Variants in KLHL29 observed in about 807,000 individuals in gnomAD.
KLHL29 encodes kelch like family member 29, also known as kelch-like protein 29.
A neutral mutation model predicts 80.4 loss-of-function variants in KLHL29; 21 were observed. The ratio of observed to expected loss-of-function variants is 0.26; its 90% confidence interval spans 0.19 to 0.38. The LOEUF is 0.38. Ranked by LOEUF, KLHL29 falls within the 10% of genes least tolerant of loss-of-function variation. KLHL29 has a pLI of 1.00. For missense variants in KLHL29, 867 were observed against 1,223.9 expected, an observed-to-expected ratio of 0.71 and a Z score of 4.35; for synonymous variants, 511 against 526.8, an observed-to-expected ratio of 0.97 and a Z score of 0.41.
intron 5 of KLHL29, chr2:23,643,235 T>C (rs916143051): frequency 2.6e-6 from 1 of 391,510 alleles, no homozygotes; most frequent in Non-Finnish European, 4.9e-6. Flanking sequence ...AACAGTCCCT[T>C]TGGGGGCCTT....
chr2:23,698,406 G>A (rs1672124212), intron 11 of KLHL29, among the ~76,000 whole-genome samples: 1 of 152,164 alleles, frequency 6.6e-6, no homozygotes, highest in South Asian at 2.1e-4. Context: ...ACCCCCTTCG[G>A]GTAGGTTGCT....
chr2:23,491,829 C>G (rs1316021322), intron 2 of KLHL29, among the ~76,000 whole-genome samples: 3 of 152,144 alleles, frequency 2.0e-5, no homozygotes, highest in Admixed American at 6.5e-5. Context: ...CTCCCATGTC[C>G]CCCACCTCTG....
At chr2:23,426,208 T>A (rs755525240) in intron 1 of KLHL29, among the ~76,000 whole-genome samples, 1 of 152,174 alleles carries the variant, frequency 6.6e-6, no homozygotes, top group Non-Finnish European at 1.5e-5. Flanking sequence ...GAAACCATTC[T>A]ACTGTACTCA....
In KLHL29 at chr2:23,620,434, A is replaced by G. The variant is rs563105828; in HGVS notation, c.286-18705A>G. ...GAGAAGGCAGAGGTGAGGGTCAGGG[A>G]GGCCAGGGCTGCTAGAGGAAATATT... On this transcript the variant is annotated intron_variant, in intron 3 of 13. Transcript: ENST00000486442. Among the ~76,000 whole-genome samples the G allele has an allele frequency of 4.6e-5, 7 of 152,294 alleles. No individual in the cohort carries two copies. The East Asian group carries it at 1.4e-3, about 29-fold the overall frequency.
chr2:23,478,627 C>T (rs1664700035), intron 2 of KLHL29, among the ~76,000 whole-genome samples: 1 of 152,144 alleles, frequency 6.6e-6, no homozygotes, highest in African/African-American at 2.4e-5. Context: ...TCAGTTTGCG[C>T]AGAGCCCAAG....
intron 1 of KLHL29, among the ~76,000 whole-genome samples, chr2:23,387,906 C>T (rs777452982): frequency 6.6e-6 from 1 of 152,096 alleles, no homozygotes; most frequent in African/African-American, 2.4e-5. Context: ...AATAACTTTT[C>T]TGCACAAACA....
intron 5 of KLHL29, among the ~76,000 whole-genome samples, chr2:23,659,589 C>A (rs1225918109): frequency 2.0e-5 from 3 of 152,200 alleles, no homozygotes; most frequent in Non-Finnish European, 4.4e-5. Flanking sequence ...CTGGCTTCGG[C>A]TCAGTTCAGC....
At chr2:23,404,565 C>T (rs1666679014) in intron 1 of KLHL29, among the ~76,000 whole-genome samples, 1 of 152,238 alleles carries the variant, frequency 6.6e-6, no homozygotes, top group African/African-American at 2.4e-5. Flanking sequence ...GTCACGCCCA[C>T]AAGAGGGCAT....
chr2:23,467,351 T>A (rs1352141148), intron 1 of KLHL29, among the ~76,000 whole-genome samples: 1 of 152,256 alleles, frequency 6.6e-6, no homozygotes, highest in Non-Finnish European at 1.5e-5. Flanking sequence ...TCCTAGGCTC[T>A]TTCCATATTG....
intron 1 of KLHL29, among the ~76,000 whole-genome samples, chr2:23,388,065 G>T (rs1172860540): frequency 6.6e-6 from 1 of 152,108 alleles, no homozygotes; most frequent in Non-Finnish European, 1.5e-5. Flanking sequence ...AATATCCTAT[G>T]GTAGCCATGG....
rs147692543 is a variant in KLHL29 at position 23,643,122 on chromosome 2, G to A, written c.940+272G>A. The A allele has an allele frequency of 5.8e-4, 346 of 598,850 alleles. 1 individual carries two copies. The highest frequency in any genetic ancestry group is 1.8e-3 in the Middle Eastern group (7 of 3,838). 37.1% of individuals were successfully genotyped at this position (598,850 alleles called of 1,614,324 possible). On this transcript the variant is annotated intron_variant, in intron 5 of 13. Transcript: ENST00000486442. Reference sequence around the variant, plus strand: ...GGAGAGCCTGCAAAGCCCAGAGCCCGTCCCCCTCCAGCCCAAGCCCTGGCC... The same window carrying A: ...GGAGAGCCTGCAAAGCCCAGAGCCCATCCCCCTCCAGCCCAAGCCCTGGCC...
intron 3 of KLHL29, among the ~76,000 whole-genome samples, chr2:23,570,223 T>C (rs1343148663): frequency 6.6e-6 from 1 of 152,146 alleles, no homozygotes; most frequent in Non-Finnish European, 1.5e-5. Flanking sequence ...GCCTTTCCTA[T>C]TGATGGCAGC....
At chr2:23,600,198 G>A (rs1346555420) in intron 3 of KLHL29, among the ~76,000 whole-genome samples, 2 of 152,204 alleles carry the variant, frequency 1.3e-5, no homozygotes, top group East Asian at 3.9e-4. Flanking sequence ...TTCATAAAAG[G>A]TTGCAGTGAC....
intron 3 of KLHL29, among the ~76,000 whole-genome samples, chr2:23,637,039 C>A (rs369665830): frequency 2.5e-4 from 38 of 152,220 alleles, no homozygotes; most frequent in African/African-American, 7.0e-4. Flanking sequence ...CCTCTAGGAT[C>A]CCACACGGTG....
At position 23,601,452 on chromosome 2, in the gene KLHL29, G is replaced by C. The variant is rs187113172; in HGVS notation, c.286-37687G>C. 5.0e-3 allele frequency among the ~76,000 whole-genome samples: 758 copies of C among 152,266 alleles called. 5 individuals carry two copies. The highest frequency in any genetic ancestry group is 0.017 in the African/African-American group (695 of 41,560). Reference sequence around the variant, plus strand: ...CATAAGGGAGTAAAATTCTGCCCTGGAATGTGCATGTGTATTCAAGCCTCC... The same window carrying C: ...CATAAGGGAGTAAAATTCTGCCCTGCAATGTGCATGTGTATTCAAGCCTCC... On this transcript the variant is annotated intron_variant, in intron 3 of 13. Coordinates refer to ENST00000486442, the MANE Select transcript of KLHL29 (RefSeq NM_052920.2).
At chr2:23,417,357 G>A (rs1318672519) in intron 1 of KLHL29, among the ~76,000 whole-genome samples, 2 of 152,206 alleles carry the variant, frequency 1.3e-5, no homozygotes, top group African/African-American at 4.8e-5. Flanking sequence ...GCCATCATGT[G>A]TGGCTGCATG....
rs189165479 is a variant in KLHL29, at chr2:23,414,500, G to A, written c.-154+28720G>A. On this transcript the variant is annotated intron_variant, in intron 1 of 13. Transcript: ENST00000486442. The stretch of plus-strand genomic sequence containing the variant: ...AGCAGGTGTGGAGTGGGTTCAGGCT[G>A]GCTGGGTCCTGCAGACTGGGTGGAA... Among the ~76,000 whole-genome samples the A allele has an allele frequency of 1.9e-3, 293 of 152,350 alleles. 2 individuals are homozygous for A. Among genetic ancestry groups the A allele is most frequent in the African/African-American group, 6.8e-3 (281 of 41,584 alleles).
chr2:23,690,688 A>C (rs1432439843), intron 6 of KLHL29: 3 of 151,954 alleles, frequency 2.0e-5, no homozygotes, highest in African/African-American at 7.3e-5. Flanking sequence ...CCGCCTCCGG[A>C]CTCCTAACGC....
At chr2:23,704,875 G>C (rs1265672937) in intron 13 of KLHL29, among the ~76,000 whole-genome samples, 2 of 152,368 alleles carry the variant, frequency 1.3e-5, no homozygotes, top group East Asian at 3.9e-4. Context: ...TTCAGTGTGG[G>C]AATAGCATGA....
Sources: gnomAD v4.1 joint callset for allele counts (sites outside exome capture counted in the v4.1 genomes callset) on GRCh38, gnomAD v4.1.1 for gene constraint, MANE v1.5 for transcripts, NCBI Gene and HGNC (gene_info 2026-07-23, HGNC 2026-07-21) for gene names.